The following CCDC191 variants were observed in gnomAD, a reference collection of about 807,000 sequenced individuals.
The protein encoded by CCDC191 is coiled-coil domain-containing protein 191.
CCDC191 carries 99 observed loss-of-function variants against 114.0 expected under a neutral mutation model. The observed-to-expected ratio is 0.87, with a 90% CI of 0.74 to 1.03. The LOEUF (loss-of-function observed/expected upper bound fraction) is 1.03, where lower values mean the gene tolerates loss of function less well. Ranked by LOEUF, CCDC191 falls within the 50% of genes least tolerant of loss-of-function variation. The pLI is 0.00. For missense variants in CCDC191, 973 were observed against 1,087.0 expected, an observed-to-expected ratio of 0.90 and a Z score of 1.47; for synonymous variants, 351 against 376.0, an observed-to-expected ratio of 0.93 and a Z score of 0.77.
intron 13 of CCDC191, among the ~76,000 whole-genome samples, chr3:113,992,297 C>T (rs1206260773): frequency 6.6e-6 from 1 of 152,156 alleles, no homozygotes; most frequent in Admixed American, 6.5e-5. Flanking sequence ...AAGCATTCAG[C>T]TCCCTCAGCT....
chr3:114,053,716 A>C, intron 1 of CCDC191, 81 bp from the exon 2 acceptor site: 1 of 879,738 alleles, frequency 1.1e-6, no homozygotes, highest in Non-Finnish European at 1.8e-6. Flanking sequence ...TTCTGACTAA[A>C]GCATATGGAA....
At chr3:114,001,270 C>A (rs1194338265) in intron 13 of CCDC191, among the ~76,000 whole-genome samples, 1 of 152,112 alleles carries the variant, frequency 6.6e-6, no homozygotes, top group Non-Finnish European at 1.5e-5. Context: ...ATGAATAAAA[C>A]AGCCATAAAA....
chr3:113,981,923 A>G (rs114589531), intron 13 of CCDC191, among the ~76,000 whole-genome samples: 2,777 of 152,332 alleles, frequency 0.018, 50 homozygotes, highest in Middle Eastern at 0.075. Context: ...CAGAGAGAAA[A>G]TTTACAACAA....
At chr3:113,989,756 T>C (rs1577362660) in intron 13 of CCDC191, among the ~76,000 whole-genome samples, 2 of 151,976 alleles carry the variant, frequency 1.3e-5, no homozygotes, top group Admixed American at 1.3e-4. Flanking sequence ...GAGGCCAAGG[T>C]GGGAGGATCT....
rs143674870 is a variant in CCDC191 at position 114,018,724 on chromosome 3, C to T, written c.1117G>A (p.Glu373Lys). Residue 373 changes from glutamate to lysine, a missense_variant, in exon 8 of 17, where the codon GAG becomes AAG. Physicochemically the swap from Glu to Lys is moderately conservative, Grantham distance 56. Coordinates refer to ENST00000295878, the MANE Select transcript of CCDC191 (RefSeq NM_020817.2). Reference sequence around the variant, plus strand: ...TTTTCCAAGGCTTGAGTCTCCCGCTCCAACTTCTGGAATCTTGTGTAGTCT... The same window carrying T: ...TTTTCCAAGGCTTGAGTCTCCCGCTTCAACTTCTGGAATCTTGTGTAGTCT... ...WRDYTRFQKL[E>K]RETQALENDL... The T allele has an allele frequency of 2.0e-5, 32 of 1,613,178 alleles. No individual in the cohort carries two copies. The East Asian group carries it at 5.1e-4, about 26-fold the overall frequency.
intron 2 of CCDC191, among the ~76,000 whole-genome samples, chr3:114,051,164 C>T (rs1177648088): frequency 3.9e-5 from 6 of 152,162 alleles, no homozygotes; most frequent in African/African-American, 7.2e-5. Context: ...TCAAACCAAA[C>T]TGATAACCCC....
At chr3:113,998,933 C>A (rs1241030839) in intron 13 of CCDC191, among the ~76,000 whole-genome samples, 1 of 152,186 alleles carries the variant, frequency 6.6e-6, no homozygotes, top group Non-Finnish European at 1.5e-5. Context: ...CCCATGCTCA[C>A]GGAATTCACT....
intron 16 of CCDC191, 101 bp downstream of exon 16, chr3:113,978,085 T>C (rs1405005653): frequency 1.5e-6 from 2 of 1,358,934 alleles, no homozygotes; most frequent in East Asian, 2.3e-5. Flanking sequence ...CCCGCTCTCC[T>C]AGCCTCCAGC....
chr3:114,021,040 GT>G (rs973154408), intron 7 of CCDC191, among the ~76,000 whole-genome samples: 32 of 152,054 alleles, frequency 2.1e-4, no homozygotes, highest in Non-Finnish European at 5.9e-5. Context: ...CAAGTAAAGA[GT>G]TAGTGTTACA....
rs187508157 is a variant in CCDC191 at position 113,971,780 on chromosome 3, A to G, written c.2606+6406T>C. On this transcript the variant is annotated intron_variant, in intron 16 of 16. Transcript: ENST00000295878. ...AGTTCTTCTTTAAAAGTTTGGTACAATTTAGCAGTTTGAAGCCATTAGGAC... is the reference window on the plus strand; with the variant it reads ...AGTTCTTCTTTAAAAGTTTGGTACAGTTTAGCAGTTTGAAGCCATTAGGAC... Among the ~76,000 whole-genome samples, 795 of 152,194 alleles carry G rather than the reference A, an allele frequency of 5.2e-3. 8 individuals carry two copies. Among genetic ancestry groups the G allele is most frequent in the African/African-American group, 0.017 (718 of 41,530 alleles).
intron 9 of CCDC191, 62 bp downstream of exon 9, chr3:114,010,710 T>C (rs1442130578): frequency 1.3e-6 from 2 of 1,506,976 alleles, no homozygotes; most frequent in East Asian, 2.3e-5. Context: ...ATGACTGACA[T>C]ACCAGCTATA....
intron 13 of CCDC191, among the ~76,000 whole-genome samples, chr3:113,998,313 A>AG (rs1467923538): frequency 6.6e-6 from 1 of 151,456 alleles, no homozygotes; most frequent in Admixed American, 6.6e-5. Flanking sequence ...CTTCAAAAAA[A>AG]AAAAAAAAAA....
At chr3:113,999,874 G>A (rs1396542547) in intron 13 of CCDC191, among the ~76,000 whole-genome samples, 1 of 152,092 alleles carries the variant, frequency 6.6e-6, no homozygotes, top group Non-Finnish European at 1.5e-5. Flanking sequence ...TTTAAGTTAT[G>A]GGATATCATG....
chr3:114,010,843 T>G lies in CCDC191; in HGVS notation c.1342A>C (p.Asn448His). ...QAASLGKLSA[N>H]GLSGISLPEE... ...GGTAGACTGATGCCTGATAACCCAT[T>G]GGCACTGAGTTTCCCCAGTGATGCT... is the stretch of plus-strand genomic sequence containing the variant. Residue 448 changes from asparagine (N) to histidine (H), a missense_variant, in exon 9 of 17, where the codon AAT becomes CAT. Asn to His is a moderately conservative substitution (Grantham distance 68). Transcript: ENST00000295878. 3 of 1,614,020 alleles carry G rather than the reference T, an allele frequency of 1.9e-6. No individual in the cohort carries two copies. Among genetic ancestry groups the G allele is most frequent in the Non-Finnish European group, 2.5e-6 (3 of 1,179,840 alleles).
chr3:113,982,823 T>A (rs2107616577), intron 13 of CCDC191, among the ~76,000 whole-genome samples: 1 of 148,960 alleles, frequency 6.7e-6, no homozygotes, highest in East Asian at 2.0e-4. Flanking sequence ...TATGCAAATA[T>A]GTGCCAGTAT....
At chr3:113,976,357 A>C (rs1265416329) in intron 16 of CCDC191, among the ~76,000 whole-genome samples, 1 of 152,108 alleles carries the variant, frequency 6.6e-6, no homozygotes, top group East Asian at 1.9e-4. Flanking sequence ...CAAGAAGAGA[A>C]TGTTTTAGGG....
In CCDC191 at chr3:114,031,888, T is replaced by A. The variant is rs2076411047; in HGVS notation, c.819-109A>T. On this transcript the variant is annotated intron_variant, in intron 6 of 16. Coordinates refer to ENST00000295878, the MANE Select transcript of CCDC191 (RefSeq NM_020817.2). The stretch of plus-strand genomic sequence containing the variant: ...ACTGAATTCTCCTTCGGAATACACA[T>A]ATTTTTAGATCTGGCTCTAAAACTA... 5.0e-6 allele frequency: 3 copies of A among 596,862 alleles called. No homozygotes were observed. The East Asian group carries it at 8.8e-5, about 17-fold the overall frequency. The allele number at this position is 596,862 out of a possible 1,614,324, so 37.0% of individuals were successfully genotyped here. A position where few individuals can be genotyped will look rare whatever the true frequency, so the allele number is the denominator to read the frequency against.
chr3:114,034,344 TGAGAA>T (rs1268688617), intron 6 of CCDC191, among the ~76,000 whole-genome samples: 2 of 152,114 alleles, frequency 1.3e-5, no homozygotes, highest in African/African-American at 4.8e-5. Context: ...TCCCTAAGGC[TGAGAA>T]GAGTATGATA....
intron 16 of CCDC191, among the ~76,000 whole-genome samples, chr3:113,975,722 G>A (rs1047507647): frequency 1.3e-5 from 2 of 152,226 alleles, no homozygotes; most frequent in Non-Finnish European, 2.9e-5. Flanking sequence ...TAAATGATGA[G>A]ATCAGGTTAT....
Sources: gnomAD v4.1 joint callset for allele counts (sites outside exome capture counted in the v4.1 genomes callset) on GRCh38, gnomAD v4.1.1 for gene constraint, MANE v1.5 for transcripts, NCBI Gene and HGNC (gene_info 2026-07-23, HGNC 2026-07-21) for gene names.